Variants in ESR1 observed in about 807,000 individuals in gnomAD.
ESR1 encodes estrogen receptor 1, also known as estrogen receptor.
In ESR1, 12 loss-of-function variants were observed where a neutral mutation model predicts 52.7. The observed-to-expected ratio is 0.23, with a 90% CI of 0.15 to 0.37. ESR1 has a LOEUF of 0.37. Ranked by LOEUF, ESR1 falls within the 10% of genes least tolerant of loss-of-function variation. The probability of loss-of-function intolerance (pLI) is 1.00; values close to 1 mark genes in which losing one functional copy is unlikely to be tolerated. For synonymous variants in ESR1, 305 were observed against 316.8 expected (o/e 0.96, Z 0.39); for missense variants, 584 against 779.7 (o/e 0.75, Z 2.99).
downstream of ESR1, among the ~76,000 whole-genome samples, chr6:152,104,289 T>A (rs983502375): frequency 1.4e-4 from 21 of 152,168 alleles, no homozygotes; most frequent in Non-Finnish European, 2.2e-4. Context: ...CTTGGCAAGT[T>A]CTTCAATCCC....
chr6:151,770,355 TA>T (rs1472486278), intron 2 of ESR1, among the ~76,000 whole-genome samples: 1 of 152,172 alleles, frequency 6.6e-6, no homozygotes, highest in Non-Finnish European at 1.5e-5. Context: ...GCTTAGAAGA[TA>T]TTTTGTTATA....
intron 5 of ESR1, among the ~76,000 whole-genome samples, chr6:152,041,473 G>A (rs1220439759): frequency 1.3e-5 from 2 of 152,216 alleles, no homozygotes; most frequent in African/African-American, 4.8e-5. Flanking sequence ...GCCAAAGGCA[G>A]CAACTTATCC....
chr6:152,109,440 C>T (rs181207417), intron 6 of ESR1, among the ~76,000 whole-genome samples: 15 of 151,264 alleles, frequency 9.9e-5, no homozygotes, highest in East Asian at 5.8e-4. Flanking sequence ...CCAAGGCGGG[C>T]GGATCACCTG....
At position 152,094,943 on chromosome 6, in the gene ESR1, C is replaced by G. The variant is rs755160091; in HGVS notation, c.1553+375C>G. Among the ~76,000 whole-genome samples the G allele has an allele frequency of 7.9e-5, 12 of 152,144 alleles. No individual in the cohort carries two copies. The highest frequency in any genetic ancestry group is 1.3e-4 in the Non-Finnish European group (9 of 68,026). On this transcript the variant is annotated intron_variant, in intron 7 of 7. Coordinates refer to ENST00000206249, the MANE Select transcript of ESR1 (RefSeq NM_000125.4). This position sits in a 1 kb window ranked among gnomAD's most constrained non-coding sequence, Gnocchi z 4.6. ...ACATCTGTTATGGTCCCTGTGTACACTCGGATATTCTAAATGAGAGACCCT... is the reference window on the plus strand; with the variant it reads ...ACATCTGTTATGGTCCCTGTGTACAGTCGGATATTCTAAATGAGAGACCCT...
At chr6:151,962,188 G>T (rs1386536641) in intron 4 of ESR1, among the ~76,000 whole-genome samples, 1 of 152,188 alleles carries the variant, frequency 6.6e-6, no homozygotes, top group African/African-American at 2.4e-5. Context: ...CTGAGATTGG[G>T]TTCTGCATGG....
intron 2 of ESR1, among the ~76,000 whole-genome samples, chr6:151,735,688 A>G (rs1177558492): frequency 2.6e-5 from 4 of 152,092 alleles, no homozygotes; most frequent in Non-Finnish European, 5.9e-5. Flanking sequence ...CTCTGTACCC[A>G]GGGTCCTTGG....
chr6:151,829,673 G>A (rs1214979401), intron 1 of ESR1, among the ~76,000 whole-genome samples: 1 of 152,206 alleles, frequency 6.6e-6, no homozygotes, highest in Non-Finnish European at 1.5e-5. Context: ...AGATGTTATT[G>A]TTGGTCGGAG....
chr6:152,070,210 C>G lies in ESR1; in HGVS notation c.1369+9086C>G, dbSNP rs1231776067. On this transcript the variant is annotated intron_variant, in intron 6 of 7. Coordinates refer to ENST00000206249, the MANE Select transcript of ESR1 (RefSeq NM_000125.4). ...TTCAAAGGAAAAAATCTTCAGCAGTCTAATATCCTACCAAAATTTTGAAGT... is the reference window on the plus strand; with the variant it reads ...TTCAAAGGAAAAAATCTTCAGCAGTGTAATATCCTACCAAAATTTTGAAGT... Among the ~76,000 whole-genome samples the G allele has an allele frequency of 1.5e-5, 2 of 136,774 alleles. 1 individual carries two copies. Among genetic ancestry groups the G allele is most frequent in the East Asian group, 4.8e-4 (2 of 4,200 alleles). 89.7% of individuals were successfully genotyped at this position (136,774 alleles called of 152,430 possible).
chr6:151,899,354 C>G (rs1437390700), intron 3 of ESR1, among the ~76,000 whole-genome samples: 1 of 114,668 alleles, frequency 8.7e-6, no homozygotes, highest in Non-Finnish European at 1.8e-5. Context: ...GGGGGGCTGA[C>G]CCCCCCACCT....
intron 2 of ESR1, among the ~76,000 whole-genome samples, chr6:151,758,568 C>G (rs1194309785): frequency 6.6e-6 from 1 of 151,734 alleles, no homozygotes; most frequent in Admixed American, 6.6e-5. Context: ...CGAGACCAGC[C>G]TGGCCAACAT....
intron 3 of ESR1, among the ~76,000 whole-genome samples, chr6:151,884,122 A>G (rs1255513014): frequency 6.6e-6 from 1 of 152,188 alleles, no homozygotes; most frequent in Non-Finnish European, 1.5e-5. Context: ...CAGTTTTTAT[A>G]TGTACATAAG....
chr6:151,686,408 G>C (rs1778675645), upstream of ESR1, among the ~76,000 whole-genome samples: 1 of 152,122 alleles, frequency 6.6e-6, no homozygotes, highest in South Asian at 2.1e-4. Flanking sequence ...ACCTGGGGCT[G>C]GACGCAGTGG....
At chr6:151,733,332 C>G (rs1782399124) in intron 2 of ESR1, among the ~76,000 whole-genome samples, 2 of 152,196 alleles carry the variant, frequency 1.3e-5, no homozygotes, top group South Asian at 4.1e-4. Flanking sequence ...CAAATATACA[C>G]AGCACCATCA....
At chr6:152,031,529 G>C (rs1321249465) in intron 5 of ESR1, among the ~76,000 whole-genome samples, 1 of 152,112 alleles carries the variant, frequency 6.6e-6, no homozygotes, top group Non-Finnish European at 1.5e-5. Context: ...AAATAAACTA[G>C]AACATCTAGA....
At chr6:151,761,578 A>G (rs1784662767) in intron 2 of ESR1, among the ~76,000 whole-genome samples, 1 of 152,222 alleles carries the variant, frequency 6.6e-6, no homozygotes, top group African/African-American at 2.4e-5. Flanking sequence ...TCTGTAAAAT[A>G]GGATATTAAT....
chr6:152,055,030 G>A lies in ESR1; in HGVS notation c.1236-5961G>A, dbSNP rs1168083728. Among the ~76,000 whole-genome samples the A allele has an allele frequency of 3.3e-5, 5 of 152,252 alleles. No individual in the cohort carries two copies. In the East Asian group the frequency reaches 9.7e-4, roughly 29 times the overall value. On this transcript the variant is annotated intron_variant, in intron 5 of 7. Transcript: ENST00000206249. ...GACAGGATTTCCTTCTTGTTAAAGGGTGAGTAGCATTCCATTGTACATATA... is the reference window on the plus strand; with the variant it reads ...GACAGGATTTCCTTCTTGTTAAAGGATGAGTAGCATTCCATTGTACATATA...
At chr6:151,929,080 A>G (rs1318755304) in intron 3 of ESR1, among the ~76,000 whole-genome samples, 1 of 152,176 alleles carries the variant, frequency 6.6e-6, no homozygotes, top group Non-Finnish European at 1.5e-5. Context: ...ATGTTGATTC[A>G]TCATACCGTT....
intron 5 of ESR1, among the ~76,000 whole-genome samples, chr6:152,024,748 A>G (rs1337234007): frequency 1.4e-5 from 2 of 147,566 alleles, no homozygotes; most frequent in East Asian, 3.9e-4. Flanking sequence ...TATTGTATTT[A>G]TATATGTATT....
chr6:151,987,320 G>A (rs921457102), intron 4 of ESR1, among the ~76,000 whole-genome samples: 4 of 151,978 alleles, frequency 2.6e-5, no homozygotes, highest in Admixed American at 6.6e-5. Flanking sequence ...GTACAGTGGC[G>A]CAATCTCCGC....
Sources: allele counts gnomAD v4.1 joint callset (sites outside exome capture counted in the v4.1 genomes callset), GRCh38; gene constraint gnomAD v4.1.1; non-coding constraint Gnocchi (gnomAD v3.1); transcripts MANE v1.5; gene names NCBI Gene and HGNC (gene_info 2026-07-23, HGNC 2026-07-21).